Variants in ZEB1 observed in about 807,000 individuals in gnomAD.
ZEB1 encodes zinc finger E-box binding homeobox 1.
Under a neutral mutation model 84.9 loss-of-function variants are expected in ZEB1, and 21 were observed. The observed-to-expected ratio is 0.25, with a 90% CI of 0.18 to 0.36. The LOEUF (loss-of-function observed/expected upper bound fraction) is 0.36. ZEB1 is among the 10% of genes least tolerant of loss of function. ZEB1 has a pLI of 1.00. For missense variants in ZEB1, 1,104 were observed against 1,330.2 expected (o/e 0.83, Z 2.65); for synonymous variants, 420 against 471.1 (o/e 0.89, Z 1.41).
chr10:31,481,612 C>T lies in ZEB1; in HGVS notation c.260-14164C>T, dbSNP rs373680648. Among the ~76,000 whole-genome samples, 55 of 151,806 alleles carry T rather than the reference C, an allele frequency of 3.6e-4. 1 individual carries two copies. Among genetic ancestry groups the T allele is most frequent in the East Asian group, 1.6e-3 (8 of 5,150 alleles). On this transcript the variant is annotated intron_variant, in intron 2 of 8. Transcript: ENST00000424869. ...GCTGAGGCAGGAGGATCGCTTGAGA[C>T]CAAGAGTTTGAGACCAACCTGGGCA...
chr10:31,323,271 A>T (rs939867869), intron 1 of ZEB1, among the ~76,000 whole-genome samples: 5 of 152,234 alleles, frequency 3.3e-5, no homozygotes, highest in Admixed American at 2.6e-4. Flanking sequence ...TAAAATTCAT[A>T]GTAAGATCCC....
chr10:31,447,056 T>C (rs1293119296), intron 1 of ZEB1, among the ~76,000 whole-genome samples: 4 of 149,088 alleles, frequency 2.7e-5, no homozygotes, highest in African/African-American at 9.8e-5. Context: ...TCTAAGTCTC[T>C]TTGTAGGTCA....
At chr10:31,488,341 G>A (rs866847903) in intron 2 of ZEB1, among the ~76,000 whole-genome samples, 1 of 151,028 alleles carries the variant, frequency 6.6e-6, no homozygotes, top group South Asian at 2.1e-4. Context: ...TTAGGTTTAT[G>A]TTTACACAAT....
intron 1 of ZEB1, among the ~76,000 whole-genome samples, chr10:31,437,952 G>A (rs1398215038): frequency 1.3e-5 from 2 of 152,156 alleles, no homozygotes; most frequent in African/African-American, 4.8e-5. Flanking sequence ...ATTACCTTCT[G>A]GGATTAGTAA....
At chr10:31,381,003 C>G (rs1323640422) in intron 1 of ZEB1, among the ~76,000 whole-genome samples, 1 of 152,016 alleles carries the variant, frequency 6.6e-6, no homozygotes, top group Non-Finnish European at 1.5e-5. Context: ...TGAGTTGAGC[C>G]TCAAAGAACA....
intron 1 of ZEB1, among the ~76,000 whole-genome samples, chr10:31,367,925 G>T (rs1011079924): frequency 7.3e-5 from 11 of 151,548 alleles, no homozygotes; most frequent in Admixed American, 7.2e-4. Context: ...TAAAATACAT[G>T]ATTTTAGGAA....
In ZEB1 at chr10:31,468,344, CCT is replaced by C. The variant is rs532298503; in HGVS notation, c.259+7111_259+7112del. Among the ~76,000 whole-genome samples the C allele has an allele frequency of 2.7e-4, 41 of 152,304 alleles. 1 individual carries two copies. The East Asian group carries it at 7.9e-3, about 29-fold the overall frequency. ...AATCCCACTGTCATCACTGCAGCTG[CCT>C]CTCACCTGCCAGCATCACCTACTGG... On this transcript the variant is annotated intron_variant, in intron 2 of 8. Transcript: ENST00000424869.
chr10:31,319,253 T>C lies in ZEB1; in HGVS notation c.19T>C (p.Cys7Arg). The change falls in exon 1 of 9, where the codon TGT becomes CGT. Residue 7 changes from cysteine to arginine, a missense_variant. Physicochemically the swap from Cys to Arg is radical, Grantham distance 180. Transcript: ENST00000424869. ...GAGGATCATGGCGGATGGCCCCAGG[T>C]GTAAGCGCAGAAAGCAGGCGAACCC... is the stretch of plus-strand genomic sequence containing the variant. The part of the protein sequence containing the change: MADGPR[C>R]KRRKQANPRR... 1 of 1,605,932 alleles carries C rather than the reference T, an allele frequency of 6.2e-7. No individual in the cohort carries two copies. Among genetic ancestry groups the C allele is most frequent in the Non-Finnish European group, 8.5e-7 (1 of 1,177,514 alleles).
At chr10:31,511,852 G>T (rs2070102467) in intron 5 of ZEB1, among the ~76,000 whole-genome samples, 1 of 152,170 alleles carries the variant, frequency 6.6e-6, no homozygotes, top group African/African-American at 2.4e-5. Context: ...GAAAAAGAAT[G>T]ACTGAGCAGA....
intron 2 of ZEB1, among the ~76,000 whole-genome samples, chr10:31,491,295 C>T (rs2066489986): frequency 6.6e-6 from 1 of 151,818 alleles, no homozygotes; most frequent in Non-Finnish European, 1.5e-5. Flanking sequence ...TTATATTGTA[C>T]TCTTAGGGCC....
intron 1 of ZEB1, among the ~76,000 whole-genome samples, chr10:31,345,697 A>G (rs2040182618): frequency 1.3e-5 from 2 of 152,152 alleles, no homozygotes; most frequent in African/African-American, 2.4e-5. Flanking sequence ...ATTAGCAGAA[A>G]CAGCCTCATT....
At chr10:31,500,014 A>G (rs1220632195) in intron 3 of ZEB1, among the ~76,000 whole-genome samples, 1 of 152,116 alleles carries the variant, frequency 6.6e-6, no homozygotes, top group African/African-American at 2.4e-5. Context: ...AGTGTATACT[A>G]TTTAAAAACT....
intron 2 of ZEB1, among the ~76,000 whole-genome samples, chr10:31,468,225 G>T (rs1232983636): frequency 1.3e-5 from 2 of 152,026 alleles, no homozygotes; most frequent in African/African-American, 4.8e-5. Flanking sequence ...CCAGCCTTGG[G>T]AGCAGAGCAT....
intron 1 of ZEB1, among the ~76,000 whole-genome samples, chr10:31,445,044 T>C (rs945483861): frequency 4.7e-5 from 7 of 149,338 alleles, no homozygotes; most frequent in Non-Finnish European, 1.0e-4. Flanking sequence ...TTCCTATCCA[T>C]GAGCATGGAA....
At chr10:31,486,919 A>C (rs995584722) in intron 2 of ZEB1, among the ~76,000 whole-genome samples, 3 of 151,232 alleles carry the variant, frequency 2.0e-5, no homozygotes, top group Non-Finnish European at 3.0e-5. Context: ...GGCTTGTTGT[A>C]TTTTGACCTA....
intron 1 of ZEB1, among the ~76,000 whole-genome samples, chr10:31,446,790 A>AT (rs1170544412): frequency 6.6e-6 from 1 of 150,596 alleles, no homozygotes; most frequent in South Asian, 2.1e-4. Flanking sequence ...GTTTGTTACA[A>AT]TTTCTGTTCT....
At chr10:31,448,449 C>T (rs1041256818) in intron 1 of ZEB1, among the ~76,000 whole-genome samples, 1 of 147,656 alleles carries the variant, frequency 6.8e-6, no homozygotes. Context: ...TGTTCCGTTG[C>T]TGGTGAGGAA....
rs1384759849 is a variant in ZEB1 at position 31,521,874 on chromosome 10, A to G, written c.2542A>G (p.Thr848Ala). The G allele has an allele frequency of 1.2e-6, 2 of 1,614,020 alleles. No individual in the cohort carries two copies. Among genetic ancestry groups the G allele is most frequent in the Non-Finnish European group, 1.7e-6 (2 of 1,179,954 alleles). The change falls in exon 7 of 9, where the codon ACT (threonine) becomes GCT (alanine). Residue 848 changes from threonine to alanine, a missense_variant. Thr to Ala is a moderately conservative substitution (Grantham distance 58, BLOSUM62 0). Transcript: ENST00000424869. The stretch of plus-strand genomic sequence containing the variant: ...TCCCCAGGTGGCATACACCTACTCA[A>G]CTACGGTCAGCCCTGCAGTCCAAGA... ...LIPQVAYTYS[T>A]TVSPAVQEPP...
intron 5 of ZEB1, among the ~76,000 whole-genome samples, chr10:31,511,987 G>A (rs1048143842): frequency 6.6e-6 from 1 of 152,130 alleles, no homozygotes; most frequent in Non-Finnish European, 1.5e-5. Context: ...AGCCCATGAA[G>A]GAGCACTTGA....
Sources: gnomAD v4.1 joint callset for allele counts (sites outside exome capture counted in the v4.1 genomes callset) on GRCh38, gnomAD v4.1.1 for gene constraint, MANE v1.5 for transcripts, NCBI Gene and HGNC (gene_info 2026-07-23, HGNC 2026-07-21) for gene names.